Variants in GOLGA4 observed in about 807,000 individuals in gnomAD.
GOLGA4 encodes golgin subfamily A member 4.
In GOLGA4, 169 loss-of-function variants were observed where a neutral mutation model predicts 265.9. That is an observed-to-expected ratio of 0.64 (90% CI 0.56 to 0.72). The LOEUF (loss-of-function observed/expected upper bound fraction) is 0.72. GOLGA4 is among the 30% of genes least tolerant of loss of function. The pLI is 0.00. For missense variants in GOLGA4, 2,482 were observed against 2,483.4 expected, an observed-to-expected ratio of 1.00 and a Z score of 0.01; for synonymous variants, 923 against 855.8, an observed-to-expected ratio of 1.08 and a Z score of -1.37.
rs780611309 is a variant in GOLGA4 at position 37,315,379 on chromosome 3, A to G, written c.1235-41A>G. On this transcript the variant is annotated intron_variant, in intron 10 of 23. Transcript: ENST00000361924. ...TGTAAAACACTTTAGCTCAATGATA[A>G]TATTTCTTGAGATACTTGTTTTCTG... 5 of 1,535,792 alleles carry G rather than the reference A, an allele frequency of 3.3e-6. No homozygotes were observed. In the South Asian group the frequency reaches 3.5e-5, roughly 11 times the overall value.
At chr3:37,348,412 T>C (rs561941581) in intron 21 of GOLGA4, among the ~76,000 whole-genome samples, 1 of 152,270 alleles carries the variant, frequency 6.6e-6, no homozygotes, top group Admixed American at 6.5e-5. Context: ...TCTTTTTTTT[T>C]CCTCAATGCC....
chr3:37,302,345 G>T lies in GOLGA4; in HGVS notation c.1234+13G>T, dbSNP rs372203705. The stretch of plus-strand genomic sequence containing the variant: ...TCCGAAAGAGCTGGTAAGAACTTGA[G>T]GGTTACTTGTTTTATGTTGGAACTC... On this transcript the variant is annotated intron_variant, in intron 10 of 23. Transcript: ENST00000361924. The T allele has an allele frequency of 1.2e-6, 2 of 1,605,136 alleles. No individual in the cohort carries two copies. The highest frequency in any genetic ancestry group is 1.7e-6 in the Non-Finnish European group (2 of 1,176,004).
chr3:37,328,226 G>A (rs533367252), intron 14 of GOLGA4, among the ~76,000 whole-genome samples, 190 bp from the exon 15 acceptor site: 1 of 140,680 alleles, frequency 7.1e-6, no homozygotes, highest in East Asian at 2.0e-4. Flanking sequence ...TAGTTGATAT[G>A]TACCTGGACA....
intron 19 of GOLGA4, among the ~76,000 whole-genome samples, chr3:37,339,188 G>T (rs754567963): frequency 6.6e-6 from 1 of 151,954 alleles, no homozygotes; most frequent in Non-Finnish European, 1.5e-5. Context: ...TCAGCTTAGC[G>T]TGATGTTTCA....
In GOLGA4 at chr3:37,293,976, A is replaced by T. The variant is rs143538413; in HGVS notation, c.583-1003A>T. ...GTATTTGCATATCCAAGTCTATCTA[A>T]ACATAGAAAAAGCCCTGTAAAAATA... On this transcript the variant is annotated intron_variant, in intron 5 of 23. Transcript: ENST00000361924. Among the ~76,000 whole-genome samples the T allele has an allele frequency of 1.2e-3, 188 of 152,306 alleles. 6 individuals are homozygous for T. In the East Asian group the frequency reaches 0.034, roughly 28 times the overall value.
Position 37,286,735 on chromosome 3 carries a change from C to T in GOLGA4, c.525+674C>T, listed in dbSNP as rs538777366. Among the ~76,000 whole-genome samples the T allele has an allele frequency of 3.0e-3, 461 of 152,278 alleles. 7 individuals carry two copies. The South Asian group carries it at 0.048, about 16-fold the overall frequency. On this transcript the variant is annotated intron_variant, in intron 4 of 23. Coordinates refer to ENST00000361924, the MANE Select transcript of GOLGA4 (RefSeq NM_002078.5). Reference sequence around the variant, plus strand: ...GACATATCTAACCTTCTATGCTTTCCTTCTGCTTTTTAAATACCTGCAGAC... The same window carrying T: ...GACATATCTAACCTTCTATGCTTTCTTTCTGCTTTTTAAATACCTGCAGAC...
intron 13 of GOLGA4, among the ~76,000 whole-genome samples, chr3:37,322,483 G>A (rs2096957824): frequency 6.6e-6 from 1 of 152,062 alleles, no homozygotes; most frequent in Non-Finnish European, 1.5e-5. Context: ...AGACTTGTTA[G>A]CTTTTTTGCT....
chr3:37,356,686 A>G (rs2097091828), intron 22 of GOLGA4, among the ~76,000 whole-genome samples: 1 of 152,212 alleles, frequency 6.6e-6, no homozygotes. Context: ...TTTACTGAGT[A>G]AAATATCTTT....
At chr3:37,318,796 G>A (rs886117420) in intron 11 of GOLGA4, among the ~76,000 whole-genome samples, 1 of 151,968 alleles carries the variant, frequency 6.6e-6, no homozygotes, top group Admixed American at 6.6e-5. Context: ...TGACTTGTAG[G>A]GAACATCCCT....
chr3:37,251,439 A>T lies in GOLGA4; in HGVS notation c.117A>T (p.Thr39=), dbSNP rs1253822979. 3.1e-6 allele frequency: 5 copies of T among 1,613,380 alleles called. No individual in the cohort carries two copies. Among genetic ancestry groups the T allele is most frequent in the Non-Finnish European group, 4.2e-6 (5 of 1,179,308 alleles). Reference sequence around the variant, plus strand: ...CACCAACAAGAATGAGGAGCAGGACATCTTCATTTACAGAGCAACTTGATG... The same window carrying T: ...CACCAACAAGAATGAGGAGCAGGACTTCTTCATTTACAGAGCAACTTGATG... The part of the protein sequence containing the change: ...SSTPTRMRSR[T]SSFTEQLDEG... The change falls in exon 2 of 24, where the codon ACA becomes ACT. Residue 39 remains threonine, a synonymous_variant. Transcript: ENST00000361924.
At position 37,243,469 on chromosome 3, in the gene GOLGA4, G is replaced by T; in HGVS notation, c.-82G>T. 8.2e-7 allele frequency: 1 copy of T among 1,217,190 alleles called. No homozygotes were observed. Among genetic ancestry groups the T allele is most frequent in the Non-Finnish European group, 1.2e-6 (1 of 820,352 alleles). The allele number at this position is 1,217,190 out of a possible 1,614,324, so 75.4% of individuals were successfully genotyped here. On this transcript the variant is annotated 5_prime_UTR_variant, in exon 1 of 24. Coordinates refer to ENST00000361924, the MANE Select transcript of GOLGA4 (RefSeq NM_002078.5). The stretch of plus-strand genomic sequence containing the variant: ...CCGCTGTCCCTGGTGTAAAGAAGTC[G>T]CCGTAGCCGTCGCGGCCGGGACTCC...
At chr3:37,347,399 C>G (rs1373115611) in intron 21 of GOLGA4, 103 bp downstream of exon 21, 2 of 646,974 alleles carry the variant, frequency 3.1e-6, no homozygotes, top group Non-Finnish European at 5.6e-6. Flanking sequence ...ATTAGCAAAT[C>G]AGACATGCTA....
rs113281642 is a variant in GOLGA4 at position 37,312,582 on chromosome 3, G to T, written c.1235-2838G>T. ...TTGTCACCTAGGCTGGAGTGCAGTG[G>T]CACAATCACTGCTCACTGAAGCCTT... On this transcript the variant is annotated intron_variant, in intron 10 of 23. Transcript: ENST00000361924. Among the ~76,000 whole-genome samples the T allele has an allele frequency of 5.3e-5, 8 of 151,506 alleles. 1 individual carries two copies. Among genetic ancestry groups the T allele is most frequent in the African/African-American group, 1.7e-4 (7 of 41,258 alleles).
At chr3:37,263,387 A>G (rs1489393081) in intron 2 of GOLGA4, among the ~76,000 whole-genome samples, 1 of 152,192 alleles carries the variant, frequency 6.6e-6, no homozygotes, top group Admixed American at 6.5e-5. Context: ...CTCTAGTGAT[A>G]AGCGGGAAAG....
chr3:37,243,620 C>T lies in GOLGA4; in HGVS notation c.70C>T (p.Gln24Ter). Reference sequence around the variant, plus strand: ...GCTCCAGCAGGCGCTGGCTCCTGCTCAGGTACGATGGCCGCCGCTCTCCTC... The same window carrying T: ...GCTCCAGCAGGCGCTGGCTCCTGCTTAGGTACGATGGCCGCCGCTCTCCTC... ...QQLQQALAPA[Q>*]ASSNSSTPTR... Residue 24 changes from glutamine (Q) to a stop codon, truncating the protein, a stop_gained and splice_region_variant, in exon 1 of 24, where the codon CAG (glutamine) becomes TAG (stop). Transcript: ENST00000361924. LOFTEE classifies it high-confidence loss of function. 1.9e-6 allele frequency: 3 copies of T among 1,610,126 alleles called. No individual in the cohort carries two copies. Among genetic ancestry groups the T allele is most frequent in the Non-Finnish European group, 2.5e-6 (3 of 1,177,354 alleles).
chr3:37,320,073 G>C (rs1404119227), intron 12 of GOLGA4: 2 of 148,720 alleles, frequency 1.3e-5, no homozygotes, highest in African/African-American at 4.9e-5. Context: ...AATAATTTCA[G>C]TACTAATTTT....
intron 1 of GOLGA4, among the ~76,000 whole-genome samples, chr3:37,246,747 A>G (rs1322943443): frequency 6.6e-6 from 1 of 152,226 alleles, no homozygotes; most frequent in African/African-American, 2.4e-5. Flanking sequence ...ACAGCTACAA[A>G]TGTTTAAAAT....
At chr3:37,293,963 C>T (rs972584979) in intron 5 of GOLGA4, among the ~76,000 whole-genome samples, 1 of 152,140 alleles carries the variant, frequency 6.6e-6, no homozygotes, top group Non-Finnish European at 1.5e-5. Flanking sequence ...ATTTGCATAT[C>T]CAAGTCTATC....
intron 11 of GOLGA4, among the ~76,000 whole-genome samples, chr3:37,316,033 CTT>C (rs2096936669): frequency 6.6e-6 from 1 of 152,128 alleles, no homozygotes; most frequent in African/African-American, 2.4e-5. Flanking sequence ...TCTGATTACT[CTT>C]AATATAGATA....
Sources: allele counts gnomAD v4.1 joint callset (sites outside exome capture counted in the v4.1 genomes callset), GRCh38; gene constraint gnomAD v4.1.1; transcripts MANE v1.5; gene names NCBI Gene and HGNC (gene_info 2026-07-23, HGNC 2026-07-21).